Variants in UBE2K observed in about 807,000 individuals in gnomAD.
The protein encoded by UBE2K is ubiquitin-conjugating enzyme E2 K.
Under a neutral mutation model 30.0 loss-of-function variants are expected in UBE2K, and 6 were observed. The ratio of observed to expected loss-of-function variants is 0.20; its 90% CI spans 0.11 to 0.39. The LOEUF is 0.39. Among genes scored for constraint, UBE2K ranks in the 10% least tolerant of loss-of-function variants. The pLI is 1.00. For missense variants in UBE2K, 61 were observed against 241.6 expected, an observed-to-expected ratio of 0.25 and a Z score of 4.96; for synonymous variants, 86 against 83.7, an observed-to-expected ratio of 1.03 and a Z score of -0.15.
chr4:39,769,868 C>G (rs936453529), intron 4 of UBE2K, among the ~76,000 whole-genome samples: 1 of 152,174 alleles, frequency 6.6e-6, no homozygotes, highest in African/African-American at 2.4e-5. Flanking sequence ...TCCAAGAACC[C>G]TGTCCCCCGC....
intron 1 of UBE2K, among the ~76,000 whole-genome samples, chr4:39,719,267 CT>C: frequency 6.6e-6 from 1 of 152,324 alleles, no homozygotes; most frequent in East Asian, 1.9e-4. Context: ...AATACCACCC[CT>C]GGTAAGCCTT....
chr4:39,746,293 A>G (rs1044272827), intron 3 of UBE2K, among the ~76,000 whole-genome samples: 1 of 152,154 alleles, frequency 6.6e-6, no homozygotes, highest in African/African-American at 2.4e-5. Flanking sequence ...TGAGCATGGA[A>G]TTGCAACTGT....
chr4:39,724,929 G>C (rs1175965721), intron 1 of UBE2K, among the ~76,000 whole-genome samples: 1 of 152,158 alleles, frequency 6.6e-6, no homozygotes, highest in African/African-American at 2.4e-5. Flanking sequence ...ATTTCCTCCA[G>C]TGTTCTTATT....
chr4:39,736,794 C>A (rs989737834), intron 1 of UBE2K, among the ~76,000 whole-genome samples: 1 of 152,166 alleles, frequency 6.6e-6, no homozygotes, highest in African/African-American at 2.4e-5. Context: ...TTTTAATAAA[C>A]TAAGCAGAAA....
intron 1 of UBE2K, among the ~76,000 whole-genome samples, chr4:39,723,796 CAATT>C (rs145953249): frequency 0.1 from 15,725 of 152,136 alleles, 1,068 homozygotes; most frequent in East Asian, 0.21. Flanking sequence ...GGGTACTGTA[CAATT>C]AATTTCCTTT....
chr4:39,755,561 T>C (rs1721484619), intron 3 of UBE2K, 96 bp from the exon 4 acceptor site: 5 of 955,594 alleles, frequency 5.2e-6, no homozygotes, highest in Non-Finnish European at 8.1e-6. Flanking sequence ...TATAGGGACC[T>C]TTCTTTTTTT....
At chr4:39,760,138 C>T (rs142804279) in intron 4 of UBE2K, among the ~76,000 whole-genome samples, 4,626 of 127,926 alleles carry the variant, frequency 0.036, 281 homozygotes, top group African/African-American at 0.13. Flanking sequence ...CATCGCGCCA[C>T]TGCACTCCAG....
rs1484438505 is a variant in UBE2K, at chr4:39,714,531, TATATATATATA to T, written c.63+16142_63+16152del. On this transcript the variant is annotated intron_variant, in intron 1 of 6. Coordinates refer to ENST00000261427, the MANE Select transcript of UBE2K (RefSeq NM_005339.5). The stretch of plus-strand genomic sequence containing the variant: ...TTTAGAAGTTTCATATATATATATA[TATATATATATA>T]TATATATATTTTTTTTTTTTTTTAA... 6 of 31,330 alleles carry T rather than the reference TATATATATATA, an allele frequency of 1.9e-4. 1 individual carries two copies. In the East Asian group the frequency reaches 5.3e-3, roughly 28 times the overall value. 1.9% of individuals were successfully genotyped at this position (31,330 alleles called of 1,614,324 possible). A position where few individuals can be genotyped will look rare whatever the true frequency, so the allele number is the denominator to read the frequency against.
chr4:39,738,667 T>C (rs1720505467), intron 2 of UBE2K, among the ~76,000 whole-genome samples: 1 of 152,106 alleles, frequency 6.6e-6, no homozygotes, highest in Non-Finnish European at 1.5e-5. Context: ...TGTGTGTTTT[T>C]TGTTGTTCAT....
intron 1 of UBE2K, among the ~76,000 whole-genome samples, chr4:39,736,528 A>T (rs1283646219): frequency 6.6e-6 from 1 of 152,222 alleles, no homozygotes; most frequent in East Asian, 1.9e-4. Context: ...GATTTACTGT[A>T]TTTTTAACAT....
At chr4:39,699,049 T>C (rs534067240) in intron 1 of UBE2K, among the ~76,000 whole-genome samples, 1 of 152,338 alleles carries the variant, frequency 6.6e-6, no homozygotes, top group South Asian at 2.1e-4. Flanking sequence ...GATAATTATC[T>C]CTTTTCCACT....
chr4:39,706,499 A>C (rs904443804), intron 1 of UBE2K, among the ~76,000 whole-genome samples: 3 of 147,414 alleles, frequency 2.0e-5, no homozygotes, highest in African/African-American at 5.0e-5. Context: ...CCCAGATGGA[A>C]TCTCACTGTG....
chr4:39,753,829 T>G (rs535685683), intron 3 of UBE2K, among the ~76,000 whole-genome samples: 1 of 151,768 alleles, frequency 6.6e-6, no homozygotes. Flanking sequence ...AGGTTAAGAG[T>G]GTGGGCTTGG....
chr4:39,699,622 C>T lies in UBE2K; in HGVS notation c.63+1232C>T, dbSNP rs139855115. On this transcript the variant is annotated intron_variant, in intron 1 of 6. Transcript: ENST00000261427. Reference sequence around the variant, plus strand: ...AAGTAATACAGAAAATGATTATTTTCAAGATTCACATACCATTATTGAATA... The same window carrying T: ...AAGTAATACAGAAAATGATTATTTTTAAGATTCACATACCATTATTGAATA... 2.0e-4 allele frequency among the ~76,000 whole-genome samples: 30 copies of T among 152,248 alleles called. No individual in the cohort carries two copies. In the East Asian group the frequency reaches 5.4e-3, roughly 27 times the overall value.
chr4:39,756,159 CAAG>C (rs773341524), intron 4 of UBE2K, among the ~76,000 whole-genome samples: 3 of 152,230 alleles, frequency 2.0e-5, no homozygotes, highest in Non-Finnish European at 4.4e-5. Context: ...TGAATTCTAA[CAAG>C]GAGCACCTTT....
intron 4 of UBE2K, among the ~76,000 whole-genome samples, chr4:39,765,900 GATAT>G (rs1041743867): frequency 7.4e-5 from 9 of 122,098 alleles, no homozygotes; most frequent in African/African-American, 3.2e-4. Context: ...CTGAAGTCAG[GATAT>G]ATATATACAT....
chr4:39,699,388 T>C lies in UBE2K; in HGVS notation c.63+998T>C, dbSNP rs563642656. On this transcript the variant is annotated intron_variant, in intron 1 of 6. Transcript: ENST00000261427. ...ACATTGTTTCATCTCCTTATTGAGA[T>C]TTATCACGACTTAACAGATTTTCAA... Among the ~76,000 whole-genome samples the C allele has an allele frequency of 1.2e-4, 19 of 152,312 alleles. No individual in the cohort carries two copies. The South Asian group carries it at 2.1e-3, about 17-fold the overall frequency.
Position 39,778,352 on chromosome 4 carries a change from C to T in UBE2K, c.529-8C>T. The T allele has an allele frequency of 6.3e-7, 1 of 1,591,980 alleles. No individual in the cohort carries two copies. Among genetic ancestry groups the T allele is most frequent in the Non-Finnish European group, 8.6e-7 (1 of 1,163,532 alleles). On this transcript the variant is annotated splice_polypyrimidine_tract_variant and splice_region_variant and intron_variant, in intron 6 of 6. Transcript: ENST00000261427. ...ATTTAATTTCCTGTCCCCTTTTCTT[C>T]TCTACAGAATGCAGTAATAGTGGCC...
At chr4:39,714,533 TATATATATATATATA>T (rs1718908717) in intron 1 of UBE2K, 1 of 33,420 alleles carries the variant, frequency 3.0e-5, no homozygotes, top group African/African-American at 2.4e-4. Context: ...TATATATATA[TATATATATATATATA>T]TATTTTTTTT....
Sources: gnomAD v4.1 joint callset for allele counts (sites outside exome capture counted in the v4.1 genomes callset) on GRCh38, gnomAD v4.1.1 for gene constraint, MANE v1.5 for transcripts, NCBI Gene and HGNC (gene_info 2026-07-23, HGNC 2026-07-21) for gene names.